Variants in EFNB2 observed in about 807,000 individuals in gnomAD.
The protein encoded by EFNB2 is ephrin-B2.
In EFNB2, 5 loss-of-function variants were observed where a neutral mutation model predicts 32.1. The observed-to-expected ratio is 0.16, with a 90% CI of 0.08 to 0.33. The LOEUF is 0.33. Ranked by LOEUF, EFNB2 falls within the 10% of genes least tolerant of loss-of-function variation. The probability of loss-of-function intolerance (pLI) is 1.00; values close to 1 mark genes in which losing one functional copy is unlikely to be tolerated. For missense variants in EFNB2, 263 were observed against 422.6 expected (o/e 0.62, Z 3.31); for synonymous variants, 168 against 166.5 (o/e 1.01, Z -0.07).
intron 2 of EFNB2, among the ~76,000 whole-genome samples, chr13:106,497,440 A>G (rs113271548): frequency 7.5e-5 from 11 of 147,158 alleles, no homozygotes; most frequent in African/African-American, 2.8e-4. Flanking sequence ...TAGACCATTA[A>G]GAAACTATTC....
chr13:106,529,508 T>C (rs1390601158), intron 1 of EFNB2, among the ~76,000 whole-genome samples: 1 of 152,226 alleles, frequency 6.6e-6, no homozygotes, highest in Non-Finnish European at 1.5e-5. Context: ...TTTTCTTTAC[T>C]GCCTCAGCCA....
At chr13:106,505,739 T>C (rs535485348) in intron 2 of EFNB2, among the ~76,000 whole-genome samples, 5 of 152,338 alleles carry the variant, frequency 3.3e-5, no homozygotes, top group Admixed American at 6.5e-5. Context: ...TCTCTAGCAT[T>C]GTCCAATTAT....
At position 106,527,347 on chromosome 13, in the gene EFNB2, A is replaced by T. The variant is rs149640515; in HGVS notation, c.122+7496T>A. Among the ~76,000 whole-genome samples, 423 of 152,322 alleles carry T rather than the reference A, an allele frequency of 2.8e-3. 2 individuals are homozygous for T. Among genetic ancestry groups the T allele is most frequent in the African/African-American group, 9.8e-3 (406 of 41,572 alleles). ...AAGTATGGCAGAACAGCAGTGGTTC[A>T]TTCACAGCGCTCTAAATGTATGCCC... On this transcript the variant is annotated intron_variant, in intron 1 of 4. Transcript: ENST00000646441.
intron 1 of EFNB2, chr13:106,516,176 G>A (rs1334565793): frequency 2.0e-5 from 3 of 152,150 alleles, no homozygotes; most frequent in South Asian, 2.1e-4. Context: ...CCACTGAGTC[G>A]GTACAGGACA....
rs1879404197 is a variant in EFNB2 at position 106,518,863 on chromosome 13, G to C, written c.123-6051C>G. The C allele has an allele frequency of 6.6e-6, 1 of 152,120 alleles. No individual in the cohort carries two copies. The highest frequency in any genetic ancestry group is 6.5e-5 in the Admixed American group (1 of 15,268). The allele number at this position is 152,120 out of a possible 1,614,324, so 9.4% of individuals were successfully genotyped here. ...ATGCCTTCTTACAAGTTTTCTCACG[G>C]TTGGCCAAAGAGTGTAGATTAACCG... On this transcript the variant is annotated intron_variant, in intron 1 of 4. Coordinates refer to ENST00000646441, the MANE Select transcript of EFNB2 (RefSeq NM_004093.4). The surrounding 1 kb of genome is among the most constrained non-coding windows in gnomAD (Gnocchi z 4.1).
chr13:106,508,302 C>A (rs1373954123), intron 2 of EFNB2, among the ~76,000 whole-genome samples: 8 of 151,864 alleles, frequency 5.3e-5, no homozygotes, highest in Admixed American at 2.0e-4. Flanking sequence ...ACACAGCTTC[C>A]CTTGAAAATA....
intron 2 of EFNB2, among the ~76,000 whole-genome samples, chr13:106,496,477 C>T (rs1317218141): frequency 6.6e-6 from 1 of 152,192 alleles, no homozygotes; most frequent in African/African-American, 2.4e-5. Flanking sequence ...CAATGTCAAC[C>T]TTAGTCAACC....
At chr13:106,523,084 G>C (rs1299622490) in intron 1 of EFNB2, among the ~76,000 whole-genome samples, 3 of 152,174 alleles carry the variant, frequency 2.0e-5, no homozygotes. Flanking sequence ...CTGGGCTTCA[G>C]AGGAGGGTCA....
chr13:106,529,048 A>G (rs1406750357), intron 1 of EFNB2, among the ~76,000 whole-genome samples: 1 of 152,130 alleles, frequency 6.6e-6, no homozygotes, highest in Non-Finnish European at 1.5e-5. Context: ...CCTTTTAAAA[A>G]TTGTATTTTA....
At chr13:106,502,325 A>T (rs932982317) in intron 2 of EFNB2, among the ~76,000 whole-genome samples, 1 of 152,214 alleles carries the variant, frequency 6.6e-6, no homozygotes, top group African/African-American at 2.4e-5. Flanking sequence ...ATGACTGAAG[A>T]TGTTATCAAG....
At chr13:106,501,634 C>G (rs1036410430) in intron 2 of EFNB2, among the ~76,000 whole-genome samples, 1 of 151,600 alleles carries the variant, frequency 6.6e-6, no homozygotes, top group Non-Finnish European at 1.5e-5. Flanking sequence ...GCTCTGTCAC[C>G]CAGGCTGGAG....
chr13:106,491,742 G>A lies in EFNB2; in HGVS notation c.*1298C>T, dbSNP rs1024502373. The A allele has an allele frequency of 1.3e-5, 2 of 152,632 alleles. No individual in the cohort carries two copies. Among genetic ancestry groups the A allele is most frequent in the Non-Finnish European group, 2.9e-5 (2 of 68,106 alleles). 9.5% of individuals were successfully genotyped at this position (152,632 alleles called of 1,614,324 possible). A position where few individuals can be genotyped will look rare whatever the true frequency, so the allele number is the denominator to read the frequency against. Reference sequence around the variant, plus strand: ...TCGGGAGGGGAAGGAGGAACCTGGGGGGAGGGGGATCTGACCTACCTTTTA... The same window carrying A: ...TCGGGAGGGGAAGGAGGAACCTGGGAGGAGGGGGATCTGACCTACCTTTTA... On this transcript the variant is annotated 3_prime_UTR_variant, in exon 5 of 5. Transcript: ENST00000646441.
At chr13:106,526,411 C>T (rs905858011) in intron 1 of EFNB2, among the ~76,000 whole-genome samples, 5 of 152,004 alleles carry the variant, frequency 3.3e-5, no homozygotes, top group South Asian at 2.1e-4. Flanking sequence ...CATGACGTAC[C>T]GTGTATATGG....
At chr13:106,496,326 G>A (rs1233584623) in intron 2 of EFNB2, among the ~76,000 whole-genome samples, 2 of 152,138 alleles carry the variant, frequency 1.3e-5, no homozygotes, top group Non-Finnish European at 2.9e-5. Context: ...GTAAACACTA[G>A]ACCAGGAGCC....
intron 3 of EFNB2, among the ~76,000 whole-genome samples, chr13:106,495,520 A>G (rs552084322): frequency 1.6e-4 from 24 of 152,184 alleles, no homozygotes; most frequent in African/African-American, 4.3e-4. Context: ...CTATCTATCT[A>G]TCTATGGCAA....
chr13:106,490,048 C>T lies in EFNB2; in HGVS notation c.*2992G>A, dbSNP rs908881020. 2 of 152,582 alleles carry T rather than the reference C, an allele frequency of 1.3e-5. No homozygotes were observed. Among genetic ancestry groups the T allele is most frequent in the African/African-American group, 2.4e-5 (1 of 41,430 alleles). The allele number at this position is 152,582 out of a possible 1,614,324, so 9.5% of individuals were successfully genotyped here. ...CTTTTATACCATTTTTTCCTCATTA[C>T]AGTGCAAAGGGGAATGACACTGCCG... On this transcript the variant is annotated 3_prime_UTR_variant, in exon 5 of 5. Transcript: ENST00000646441.
chr13:106,501,571 G>C (rs1027750832), intron 2 of EFNB2, among the ~76,000 whole-genome samples: 1 of 150,268 alleles, frequency 6.7e-6, no homozygotes, highest in Admixed American at 6.6e-5. Context: ...CTTGAAGAAA[G>C]AAAAATACAG....
Position 106,522,584 on chromosome 13 carries a change from T to A in EFNB2, c.123-9772A>T, listed in dbSNP as rs982586621. Reference sequence around the variant, plus strand: ...ATTGAAAAAACTCAAAGAAATGGAATTCAGCTACAGTGACAAGCATAACAA... The same window carrying A: ...ATTGAAAAAACTCAAAGAAATGGAAATCAGCTACAGTGACAAGCATAACAA... On this transcript the variant is annotated intron_variant, in intron 1 of 4. Coordinates refer to ENST00000646441, the MANE Select transcript of EFNB2 (RefSeq NM_004093.4). Among the ~76,000 whole-genome samples the A allele has an allele frequency of 2.0e-5, 3 of 152,324 alleles. No individual in the cohort carries two copies. In the East Asian group the frequency reaches 5.8e-4, roughly 29 times the overall value.
rs1203410145 is a variant in EFNB2, at chr13:106,535,137, T to G, written c.-173A>C. The G allele has an allele frequency of 3.4e-6, 2 of 592,042 alleles. No individual in the cohort carries two copies. The highest frequency in any genetic ancestry group is 2.3e-6 in the Non-Finnish European group (1 of 435,216). The allele number at this position is 592,042 out of a possible 1,614,324, so 36.7% of individuals were successfully genotyped here. A position where few individuals can be genotyped will look rare whatever the true frequency, so the allele number is the denominator to read the frequency against. On this transcript the variant is annotated 5_prime_UTR_variant, in exon 1 of 5. Transcript: ENST00000646441. ...GTCGCCGGGCCAGGTGCGCTCGCTC[T>G]CCGGGGCCCTCAGGGCGCGGGGCGG...
Sources: allele counts gnomAD v4.1 joint callset (sites outside exome capture counted in the v4.1 genomes callset), GRCh38; gene constraint gnomAD v4.1.1; non-coding constraint Gnocchi (gnomAD v3.1); transcripts MANE v1.5; gene names NCBI Gene and HGNC (gene_info 2026-07-23, HGNC 2026-07-21).